Variants in MAGI2 observed in about 807,000 individuals in gnomAD.
MAGI2 encodes membrane-associated guanylate kinase, WW and PDZ domain-containing protein 2.
A neutral mutation model predicts 133.3 loss-of-function variants in MAGI2; 35 were observed. The ratio of observed to expected loss-of-function variants is 0.26; its 90% CI spans 0.20 to 0.35. The LOEUF (loss-of-function observed/expected upper bound fraction) is 0.35, where lower values mean the gene tolerates loss of function less well. Among genes scored for constraint, MAGI2 ranks in the 10% least tolerant of loss-of-function variants. MAGI2 has a pLI of 1.00. For missense variants in MAGI2, 1,636 were observed against 1,863.4 expected, an observed-to-expected ratio of 0.88 and a Z score of 2.25; for synonymous variants, 729 against 710.6, an observed-to-expected ratio of 1.03 and a Z score of -0.41.
Position 79,453,279 on chromosome 7 carries a change from T to C in MAGI2, c.42A>G (p.Lys14=). ...SLKKKSHWTS[K]VHESVIGRNP... ...TCCTGCCAATGACACTCTCATGGAC[T>C]TTGCTAGTCCAGTGGCTTTTCTTTT... Residue 14 remains lysine (K), a synonymous_variant, in exon 1 of 22, where the codon AAA becomes AAG. Coordinates refer to ENST00000354212, the MANE Select transcript of MAGI2 (RefSeq NM_012301.4). The C allele has an allele frequency of 6.2e-7, 1 of 1,613,686 alleles. No individual in the cohort carries two copies. Among genetic ancestry groups the C allele is most frequent in the Non-Finnish European group, 8.5e-7 (1 of 1,179,818 alleles).
At chr7:78,719,593 A>G (rs1820060429) in intron 2 of MAGI2, among the ~76,000 whole-genome samples, 3 of 152,234 alleles carry the variant, frequency 2.0e-5, no homozygotes, top group Non-Finnish European at 4.4e-5. Flanking sequence ...GAAGAAAATA[A>G]GCAAGTTGCA....
chr7:78,395,586 G>A (rs1796274867), intron 6 of MAGI2, among the ~76,000 whole-genome samples: 2 of 152,252 alleles, frequency 1.3e-5, no homozygotes, highest in Admixed American at 6.5e-5. Flanking sequence ...ATGACCCAAC[G>A]CAGAAACCCT....
chr7:78,731,322 G>C (rs1401933489), intron 2 of MAGI2, among the ~76,000 whole-genome samples: 1 of 152,094 alleles, frequency 6.6e-6, no homozygotes, highest in Non-Finnish European at 1.5e-5. Context: ...CACCATCTGT[G>C]TCTACTTTAT....
intron 1 of MAGI2, among the ~76,000 whole-genome samples, chr7:79,052,028 G>A (rs1812720012): frequency 6.6e-6 from 1 of 151,824 alleles, no homozygotes; most frequent in Non-Finnish European, 1.5e-5. Flanking sequence ...GTCCTTTTTG[G>A]GTATAGTTCC....
At chr7:78,081,184 C>T (rs980261684) in intron 20 of MAGI2, among the ~76,000 whole-genome samples, 4 of 152,310 alleles carry the variant, frequency 2.6e-5, no homozygotes. Flanking sequence ...GATGTCCACT[C>T]TCTCTGTTCA....
At position 78,311,781 on chromosome 7, in the gene MAGI2, T is replaced by C. The variant is rs192587876; in HGVS notation, c.1408+31997A>G. 2.5e-3 allele frequency among the ~76,000 whole-genome samples: 379 copies of C among 152,144 alleles called. 1 individual carries two copies. The highest frequency in any genetic ancestry group is 4.1e-3 in the Non-Finnish European group (278 of 67,980). Reference sequence around the variant, plus strand: ...TGACACTTTCACAAATTCTTTTTTTTTTTTTTTGAGACAGGATCTTGCTGT... The same window carrying C: ...TGACACTTTCACAAATTCTTTTTTTCTTTTTTTGAGACAGGATCTTGCTGT... On this transcript the variant is annotated intron_variant, in intron 9 of 21. Transcript: ENST00000354212.
At chr7:78,649,499 C>A (rs989798520) in intron 2 of MAGI2, among the ~76,000 whole-genome samples, 5 of 151,968 alleles carry the variant, frequency 3.3e-5, no homozygotes, top group African/African-American at 9.6e-5. Flanking sequence ...TTGTTCAGAT[C>A]CAAATCTTAT....
chr7:78,269,021 T>C (rs1159552055), intron 9 of MAGI2, among the ~76,000 whole-genome samples: 3 of 152,166 alleles, frequency 2.0e-5, no homozygotes, highest in African/African-American at 7.2e-5. Context: ...CACTTATGAG[T>C]GAGAACATGT....
intron 1 of MAGI2, among the ~76,000 whole-genome samples, chr7:79,175,308 G>T (rs1445056488): frequency 6.6e-6 from 1 of 151,698 alleles, no homozygotes; most frequent in East Asian, 1.9e-4. Context: ...TTCTTTATTT[G>T]TCCATATATC....
chr7:79,235,803 C>T (rs1045258779), intron 1 of MAGI2, among the ~76,000 whole-genome samples: 1 of 152,204 alleles, frequency 6.6e-6, no homozygotes, highest in Non-Finnish European at 1.5e-5. Context: ...CCTATTCGGC[C>T]ATCTTGGCCT....
chr7:78,366,188 T>C (rs1793360313), intron 7 of MAGI2, among the ~76,000 whole-genome samples: 1 of 152,170 alleles, frequency 6.6e-6, no homozygotes, highest in Non-Finnish European at 1.5e-5. Context: ...CTTGACTATA[T>C]ATTAACACAA....
rs147216220 is a variant in MAGI2, at chr7:78,865,183, G to C, written c.418+141907C>G. On this transcript the variant is annotated intron_variant, in intron 2 of 21. Coordinates refer to ENST00000354212, the MANE Select transcript of MAGI2 (RefSeq NM_012301.4). Reference sequence around the variant, plus strand: ...AGAGATATTTTAATCTCATCTTTTAGTTAAAGTATATAATTTTGAAAAAGG... The same window carrying C: ...AGAGATATTTTAATCTCATCTTTTACTTAAAGTATATAATTTTGAAAAAGG... Among the ~76,000 whole-genome samples, 360 of 152,204 alleles carry C rather than the reference G, an allele frequency of 2.4e-3. 3 individuals carry two copies. The highest frequency in any genetic ancestry group is 8.2e-3 in the African/African-American group (342 of 41,544).
chr7:78,206,233 C>G (rs1829714014), intron 10 of MAGI2, among the ~76,000 whole-genome samples: 1 of 151,762 alleles, frequency 6.6e-6, no homozygotes, highest in Non-Finnish European at 1.5e-5. Flanking sequence ...CAACTTTAAT[C>G]TATCATGATA....
intron 2 of MAGI2, among the ~76,000 whole-genome samples, chr7:78,812,764 T>C (rs1789189215): frequency 6.6e-6 from 1 of 152,162 alleles, no homozygotes; most frequent in South Asian, 2.1e-4. Context: ...AAAACTCTAG[T>C]AATAAATCCA....
At chr7:78,948,755 A>G (rs1801635535) in intron 2 of MAGI2, among the ~76,000 whole-genome samples, 1 of 152,138 alleles carries the variant, frequency 6.6e-6, no homozygotes, top group Non-Finnish European at 1.5e-5. Flanking sequence ...ATAACTTAGA[A>G]GCATGAAACA....
At chr7:78,177,870 G>GA (rs113984102) in intron 14 of MAGI2, 141 bp downstream of exon 14, 2,776 of 520,660 alleles carry the variant, frequency 5.3e-3, no homozygotes, top group South Asian at 7.2e-3. Flanking sequence ...AAACAGCAAG[G>GA]AAAAAAAAAA....
chr7:79,278,712 C>A (rs560515976), intron 1 of MAGI2, among the ~76,000 whole-genome samples: 1 of 152,034 alleles, frequency 6.6e-6, no homozygotes, highest in Admixed American at 6.6e-5. Flanking sequence ...ATTTTGAACA[C>A]CATCTCTGCT....
chr7:78,838,636 C>G (rs1360933480), intron 2 of MAGI2, among the ~76,000 whole-genome samples: 1 of 151,370 alleles, frequency 6.6e-6, no homozygotes, highest in Non-Finnish European at 1.5e-5. Flanking sequence ...TTTGTATGTA[C>G]AAATATATTT....
chr7:78,865,644 A>G (rs73143043), intron 2 of MAGI2, among the ~76,000 whole-genome samples: 9,605 of 152,296 alleles, frequency 0.063, 374 homozygotes, highest in Middle Eastern at 0.11. Context: ...AGCAATGGGA[A>G]GGTGAATCTT....
Sources: gnomAD v4.1 joint callset for allele counts (sites outside exome capture counted in the v4.1 genomes callset) on GRCh38, gnomAD v4.1.1 for gene constraint, MANE v1.5 for transcripts, NCBI Gene and HGNC (gene_info 2026-07-23, HGNC 2026-07-21) for gene names.